Variants in ADAMTSL1 observed in about 807,000 individuals in gnomAD.
The protein encoded by ADAMTSL1 is ADAMTS like 1, also known as ADAMTS-like protein 1.
ADAMTSL1 carries 126 observed loss-of-function variants against 201.8 expected under a neutral mutation model. The observed-to-expected ratio is 0.62, with a 90% CI of 0.54 to 0.72. The LOEUF (loss-of-function observed/expected upper bound fraction) is 0.72, where lower values mean the gene tolerates loss of function less well. Among genes scored for constraint, ADAMTSL1 ranks in the 30% least tolerant of loss-of-function variants. The probability of loss-of-function intolerance (pLI) is 0.00; values close to 1 mark genes in which losing one functional copy is unlikely to be tolerated. For synonymous variants in ADAMTSL1, 1,121 were observed against 903.4 expected, an observed-to-expected ratio of 1.24 and a Z score of -4.32; for missense variants, 2,679 against 2,277.8, an observed-to-expected ratio of 1.18 and a Z score of -3.59.
intron 1 of ADAMTSL1, among the ~76,000 whole-genome samples, chr9:18,127,018 G>A (rs973931952): frequency 5.0e-4 from 76 of 152,122 alleles, no homozygotes; most frequent in Non-Finnish European, 2.1e-4. Context: ...CTGTGTGTCC[G>A]TCAAGATGCT....
chr9:18,432,510 C>T (rs1819539261), intron 2 of ADAMTSL1, among the ~76,000 whole-genome samples: 1 of 152,124 alleles, frequency 6.6e-6, no homozygotes, highest in African/African-American at 2.4e-5. Flanking sequence ...AACCCACATT[C>T]TGAATCTTAT....
At position 18,209,472 on chromosome 9, in the gene ADAMTSL1, CA is replaced by C. The variant is rs765458986; in HGVS notation, c.207+45495del. ...ATTATAAATATTTAGACCATGGAACCAAAACGCAAACCCTGCCTAAACTCTG... is the reference window on the plus strand; with the variant it reads ...ATTATAAATATTTAGACCATGGAACCAAACGCAAACCCTGCCTAAACTCTG... On this transcript the variant is annotated intron_variant, in intron 2 of 29. Transcript: ENST00000680146. 2.4e-4 allele frequency among the ~76,000 whole-genome samples: 36 copies of C among 152,140 alleles called. No homozygotes were observed. The South Asian group carries it at 2.7e-3, about 11-fold the overall frequency.
rs374511276 is a variant in ADAMTSL1 at position 17,978,568 on chromosome 9, AC to A, written c.87+71647del. On this transcript the variant is annotated intron_variant, in intron 1 of 29. Coordinates refer to the ADAMTSL1 transcript ENST00000680146. Reference sequence around the variant, plus strand: ...CTTTGATTGCTTATGAAAACACTATACTTTTTATTTCTCCCTCCACATTTTA... The same window carrying A: ...CTTTGATTGCTTATGAAAACACTATATTTTTATTTCTCCCTCCACATTTTA... Among the ~76,000 whole-genome samples, 688 of 151,808 alleles carry A rather than the reference AC, an allele frequency of 4.5e-3. 5 individuals carry two copies. The highest frequency in any genetic ancestry group is 0.016 in the African/African-American group (665 of 41,150).
intron 2 of ADAMTSL1, among the ~76,000 whole-genome samples, chr9:18,393,240 T>A (rs1838125092): frequency 6.6e-6 from 1 of 152,236 alleles, no homozygotes; most frequent in Non-Finnish European, 1.5e-5. Flanking sequence ...ATGCTGGGGT[T>A]TTTTAAATTA....
chr9:18,702,294 C>T (rs1336066488), intron 13 of ADAMTSL1, among the ~76,000 whole-genome samples: 1 of 152,204 alleles, frequency 6.6e-6, no homozygotes, highest in African/African-American at 2.4e-5. Context: ...TGTAGACATA[C>T]ACCTAGAGGC....
intron 2 of ADAMTSL1, among the ~76,000 whole-genome samples, chr9:18,217,476 G>C (rs1438645398): frequency 2.6e-5 from 4 of 152,012 alleles, no homozygotes; most frequent in Non-Finnish European, 5.9e-5. Flanking sequence ...TTGGTATCTT[G>C]TCTTTTCTTT....
At chr9:18,685,055 C>T in intron 13 of ADAMTSL1, 6 of 1,075,018 alleles carry the variant, frequency 5.6e-6, no homozygotes, top group Non-Finnish European at 6.9e-6. Flanking sequence ...CAAAATCTGA[C>T]CTCCTCTCTT....
At chr9:18,160,543 G>A (rs1232835754) in intron 1 of ADAMTSL1, among the ~76,000 whole-genome samples, 1 of 151,874 alleles carries the variant, frequency 6.6e-6, no homozygotes, top group Non-Finnish European at 1.5e-5. Flanking sequence ...TTTATTGTAC[G>A]CTAAGTACCT....
At chr9:18,018,446 C>T (rs1334225037) in intron 1 of ADAMTSL1, among the ~76,000 whole-genome samples, 1 of 152,034 alleles carries the variant, frequency 6.6e-6, no homozygotes, top group African/African-American at 2.4e-5. Context: ...GTAATTCCCT[C>T]TAATAGACTA....
intron 2 of ADAMTSL1, among the ~76,000 whole-genome samples, chr9:18,296,464 A>G (rs1227313711): frequency 6.6e-6 from 1 of 152,156 alleles, no homozygotes; most frequent in African/African-American, 2.4e-5. Context: ...GTTAATTGTC[A>G]TGATGGCAAA....
At chr9:18,507,187 A>G (rs1275321069) in intron 2 of ADAMTSL1, among the ~76,000 whole-genome samples, 1 of 152,186 alleles carries the variant, frequency 6.6e-6, no homozygotes, top group African/African-American at 2.4e-5. Context: ...TGTAAGACAA[A>G]CAACATAGAG....
chr9:17,971,781 A>T (rs1433973599), intron 1 of ADAMTSL1, among the ~76,000 whole-genome samples: 1 of 151,920 alleles, frequency 6.6e-6, no homozygotes, highest in African/African-American at 2.4e-5. Context: ...TAACTTCTTA[A>T]ATGTGACCAT....
At chr9:18,639,498 C>A in intron 7 of ADAMTSL1, 87 bp downstream of exon 7, 1 of 1,494,024 alleles carries the variant, frequency 6.7e-7, no homozygotes, top group East Asian at 2.3e-5. Flanking sequence ...ATTTTTGGTT[C>A]TGACATATGT....
intron 1 of ADAMTSL1, among the ~76,000 whole-genome samples, chr9:17,907,376 G>A (rs1165510594): frequency 6.6e-6 from 1 of 152,204 alleles, no homozygotes; most frequent in African/African-American, 2.4e-5. Context: ...CCCTTCTGCG[G>A]ACCTAGTGAA....
chr9:18,553,277 T>C (rs1820905397), intron 3 of ADAMTSL1, among the ~76,000 whole-genome samples: 1 of 150,732 alleles, frequency 6.6e-6, no homozygotes, highest in African/African-American at 2.4e-5. Context: ...TATATATCCA[T>C]TTCTATTTTT....
At chr9:18,575,243 T>A (rs1822632953) in intron 4 of ADAMTSL1, among the ~76,000 whole-genome samples, 1 of 152,268 alleles carries the variant, frequency 6.6e-6, no homozygotes, top group Admixed American at 6.5e-5. Flanking sequence ...CTATAAGAGA[T>A]GTGAGATGTC....
intron 19 of ADAMTSL1, among the ~76,000 whole-genome samples, chr9:18,794,424 AAAAAC>A (rs1177368558): frequency 4.0e-5 from 6 of 150,574 alleles, no homozygotes; most frequent in South Asian, 2.1e-4. Context: ...AAACAAAAAC[AAAAAC>A]AAAAAAAAAC....
At chr9:18,132,915 C>G (rs10511647) in intron 1 of ADAMTSL1, among the ~76,000 whole-genome samples, 57,533 of 151,972 alleles carry the variant, frequency 0.38, 12,397 homozygotes, top group South Asian at 0.48. Context: ...AAGAATTTGC[C>G]AAGGATTACG....
chr9:18,261,013 T>C (rs560313976), intron 2 of ADAMTSL1, among the ~76,000 whole-genome samples: 209 of 47,864 alleles, frequency 4.4e-3, no homozygotes, highest in African/African-American at 0.014. Context: ...TTCCTTTTTC[T>C]TTTTTTTTTT....
Sources: allele counts gnomAD v4.1 joint callset (sites outside exome capture counted in the v4.1 genomes callset), GRCh38; gene constraint gnomAD v4.1.1; transcripts MANE v1.5; gene names NCBI Gene and HGNC (gene_info 2026-07-23, HGNC 2026-07-21).